CNOT2: variants seen among roughly 807,000 people sequenced by gnomAD.
CNOT2 encodes the protein CC chemokine receptor 4-negative regulator of transcription 2.
Under a neutral mutation model 72.1 loss-of-function variants are expected in CNOT2, and 7 were observed. The ratio of observed to expected loss-of-function variants is 0.10; its 90% CI spans 0.06 to 0.18. The LOEUF (loss-of-function observed/expected upper bound fraction) is 0.18, where lower values mean the gene tolerates loss of function less well. Ranked by LOEUF, CNOT2 falls within the 10% of genes least tolerant of loss-of-function variation. CNOT2 has a pLI of 1.00. For synonymous variants in CNOT2, 196 were observed against 225.6 expected (o/e 0.87, Z 1.17); for missense variants, 345 against 660.3 (o/e 0.52, Z 5.23).
intron 1 of CNOT2, among the ~76,000 whole-genome samples, chr12:70,271,710 T>G (rs112265793): frequency 2.0e-4 from 31 of 152,220 alleles, no homozygotes; most frequent in African/African-American, 7.5e-4. Flanking sequence ...AGTTTGAATA[T>G]TTGGACAACT....
At chr12:70,243,158 C>T (rs1165912209), upstream of CNOT2, 5 of 152,328 alleles carry the variant, frequency 3.3e-5, no homozygotes, top group Non-Finnish European at 7.3e-5. Flanking sequence ...GTAGCGGCCG[C>T]AGAAGCCCCG....
At position 70,258,996 on chromosome 12, in the gene CNOT2, A is replaced by G. The variant is rs377466215; in HGVS notation, c.-96+15516A>G. ...TGAGGAAAGACTTTGCTAGGCTACC[A>G]TAAGGACATTTTTACTTACAGTAAA... On this transcript the variant is annotated intron_variant, in intron 1 of 15. Coordinates refer to ENST00000229195, the MANE Select transcript of CNOT2 (RefSeq NM_014515.7). Among the ~76,000 whole-genome samples the G allele has an allele frequency of 2.0e-5, 3 of 152,380 alleles. No individual in the cohort carries two copies. The South Asian group carries it at 6.2e-4, about 32-fold the overall frequency.
chr12:70,297,860 C>T (rs892488759), intron 2 of CNOT2: 8 of 240,200 alleles, frequency 3.3e-5, no homozygotes, highest in African/African-American at 1.9e-4. Context: ...GCCTCGGCCT[C>T]CAAGTAGCTG....
At chr12:70,312,706 T>G (rs1876675931) in intron 3 of CNOT2, among the ~76,000 whole-genome samples, 1 of 151,944 alleles carries the variant, frequency 6.6e-6, no homozygotes, top group Non-Finnish European at 1.5e-5. Context: ...TACAAATATG[T>G]GTGTTTGGAT....
At chr12:70,340,683 T>G (rs547759083) in intron 11 of CNOT2, among the ~76,000 whole-genome samples, 1 of 152,162 alleles carries the variant, frequency 6.6e-6, no homozygotes, top group South Asian at 2.1e-4. Context: ...AGCTCACTAC[T>G]TTTAACTGCT....
intron 6 of CNOT2, chr12:70,331,734 T>A (rs993759216): frequency 1.3e-5 from 2 of 151,878 alleles, no homozygotes; most frequent in Non-Finnish European, 2.9e-5. Context: ...TTTGTTGTTT[T>A]GTCAGCTGCA....
intron 2 of CNOT2, 126 bp downstream of exon 2, chr12:70,278,400 A>AT (rs1253150040): frequency 1.7e-6 from 1 of 573,084 alleles, no homozygotes; most frequent in African/African-American, 1.9e-5. Flanking sequence ...TGGGTTTATA[A>AT]TTTTAAATTA....
At chr12:70,273,874 G>C (rs527564013) in intron 1 of CNOT2, among the ~76,000 whole-genome samples, 91 of 152,194 alleles carry the variant, frequency 6.0e-4, no homozygotes, top group African/African-American at 2.1e-3. Context: ...GTTAAAAGTA[G>C]TACCACTGTG....
Position 70,307,224 on chromosome 12 carries a change from C to G in CNOT2, c.49-3671C>G, listed in dbSNP as rs140706988. ...TTTCATTCTCGAATAATGAGTTAAC[C>G]TTAGCTTACCGTAACTTTTTTACTT... On this transcript the variant is annotated intron_variant, in intron 2 of 15. Coordinates refer to ENST00000229195, the MANE Select transcript of CNOT2 (RefSeq NM_014515.7). 4.3e-3 allele frequency among the ~76,000 whole-genome samples: 658 copies of G among 152,228 alleles called. 1 individual carries two copies. Among genetic ancestry groups the G allele is most frequent in the African/African-American group, 0.015 (628 of 41,526 alleles).
chr12:70,324,778 C>G (rs1356636451), intron 4 of CNOT2, among the ~76,000 whole-genome samples: 1 of 151,876 alleles, frequency 6.6e-6, no homozygotes, highest in Non-Finnish European at 1.5e-5. Context: ...GAAGGCAAAG[C>G]CTGTTCCTCC....
At chr12:70,266,752 TA>T (rs752336435) in intron 1 of CNOT2, among the ~76,000 whole-genome samples, 19 of 152,320 alleles carry the variant, frequency 1.2e-4, no homozygotes, top group Middle Eastern at 3.4e-3. Context: ...ATTCTGATGG[TA>T]AGGTAGCCAC....
intron 3 of CNOT2, 93 bp from the exon 4 acceptor site, chr12:70,319,205 C>T: frequency 1.0e-6 from 1 of 981,600 alleles, no homozygotes; most frequent in South Asian, 2.0e-5. Context: ...GTTAGATTTT[C>T]ACATTTATGG....
intron 11 of CNOT2, among the ~76,000 whole-genome samples, chr12:70,339,333 C>T (rs1881182403): frequency 6.6e-6 from 1 of 152,016 alleles, no homozygotes; most frequent in Non-Finnish European, 1.5e-5. Context: ...AATCATTTCA[C>T]TCCATTGGGA....
intron 1 of CNOT2, 183 bp downstream of exon 1, chr12:70,243,663 G>C (rs1957688120): frequency 6.6e-6 from 1 of 150,584 alleles, no homozygotes; most frequent in Non-Finnish European, 1.5e-5. Flanking sequence ...GAGAGACGGA[G>C]AGCGGAGCGG....
chr12:70,348,458 G>A (rs1293480196), intron 15 of CNOT2, among the ~76,000 whole-genome samples: 2 of 152,166 alleles, frequency 1.3e-5, no homozygotes, highest in East Asian at 3.8e-4. Flanking sequence ...TAAAGAACCT[G>A]TGGATTAGGT....
chr12:70,331,888 CAT>C (rs922285680), intron 6 of CNOT2, among the ~76,000 whole-genome samples: 2 of 151,742 alleles, frequency 1.3e-5, no homozygotes, highest in African/African-American at 4.8e-5. Context: ...ACATTAAAGA[CAT>C]GTGGTTTCAC....
At chr12:70,256,873 TG>T (rs2135720690) in intron 1 of CNOT2, among the ~76,000 whole-genome samples, 1 of 152,250 alleles carries the variant, frequency 6.6e-6, no homozygotes, top group South Asian at 2.1e-4. Flanking sequence ...TTTGCATTTT[TG>T]TGATGAAGAA....
rs536457191 is a variant in CNOT2 at position 70,305,827 on chromosome 12, C to T, written c.49-5068C>T. Among the ~76,000 whole-genome samples, 3 of 139,210 alleles carry T rather than the reference C, an allele frequency of 2.2e-5. No homozygotes were observed. The East Asian group carries it at 6.5e-4, about 30-fold the overall frequency. The allele number at this position is 139,210 out of a possible 152,430, so 91.3% of individuals were successfully genotyped here. A position where few individuals can be genotyped will look rare whatever the true frequency, so the allele number is the denominator to read the frequency against. On this transcript the variant is annotated intron_variant, in intron 2 of 15. Transcript: ENST00000229195. ...TTCATCCTGCCTGTATCAGGGACCA[C>T]TTTACCCGTCTTCTCTGAAGTTCTT...
intron 13 of CNOT2, among the ~76,000 whole-genome samples, chr12:70,343,595 C>T (rs1484041802): frequency 6.6e-6 from 1 of 152,220 alleles, no homozygotes; most frequent in African/African-American, 2.4e-5. Flanking sequence ...TTCAGTTTAA[C>T]ATTTTTTATA....
Sources: allele counts gnomAD v4.1 joint callset (sites outside exome capture counted in the v4.1 genomes callset), GRCh38; gene constraint gnomAD v4.1.1; transcripts MANE v1.5; gene names NCBI Gene and HGNC (gene_info 2026-07-23, HGNC 2026-07-21).